The following ATP6V0D2 variants were observed in gnomAD, a reference collection of about 807,000 sequenced individuals.
ATP6V0D2 encodes ATPase H+ transporting V0 subunit d2, also known as V-type proton ATPase subunit d 2.
In ATP6V0D2, 40 loss-of-function variants were observed where a neutral mutation model predicts 40.0. The observed-to-expected ratio is 1.00, with a 90% CI of 0.78 to 1.30. ATP6V0D2 has a LOEUF of 1.30. ATP6V0D2 is among the 50% of genes most tolerant of loss of function. ATP6V0D2 has a pLI of 0.00. For missense variants in ATP6V0D2, 470 were observed against 423.1 expected, an observed-to-expected ratio of 1.11 and a Z score of -0.97; for synonymous variants, 179 against 156.3, an observed-to-expected ratio of 1.15 and a Z score of -1.08.
At chr8:86,125,058 G>A (rs1201826767) in intron 2 of ATP6V0D2, among the ~76,000 whole-genome samples, 1 of 152,124 alleles carries the variant, frequency 6.6e-6, no homozygotes, top group African/African-American at 2.4e-5. Flanking sequence ...CTGGAGAGAG[G>A]CAAACAGCAG....
chr8:86,099,580 G>GCCTC (rs1395664600), intron 1 of ATP6V0D2, among the ~76,000 whole-genome samples: 1 of 152,080 alleles, frequency 6.6e-6, no homozygotes, highest in Non-Finnish European at 1.5e-5. Flanking sequence ...CACAACCTCC[G>GCCTC]CCTCCCGGGT....
At chr8:86,108,356 A>G (rs544324227) in intron 1 of ATP6V0D2, among the ~76,000 whole-genome samples, 1 of 151,964 alleles carries the variant, frequency 6.6e-6, no homozygotes, top group Non-Finnish European at 1.5e-5. Flanking sequence ...TGCCCAGTCT[A>G]GTCTGAAACT....
chr8:86,152,766 T>A, intron 7 of ATP6V0D2, 50 bp from the exon 8 acceptor site: 1 of 1,533,788 alleles, frequency 6.5e-7, no homozygotes, highest in Non-Finnish European at 8.8e-7. Flanking sequence ...TATTATTCCA[T>A]AATGTTCCAA....
chr8:86,145,115 C>T (rs535287116), intron 5 of ATP6V0D2, among the ~76,000 whole-genome samples: 2 of 150,062 alleles, frequency 1.3e-5, no homozygotes, highest in Non-Finnish European at 2.9e-5. Context: ...TTGCAGTGAG[C>T]CGAGATCGTG....
intron 5 of ATP6V0D2, among the ~76,000 whole-genome samples, chr8:86,145,203 G>T (rs1819034658): frequency 4.7e-4 from 5 of 10,682 alleles, no homozygotes; most frequent in African/African-American, 2.7e-3. Flanking sequence ...AGAAAAGAAA[G>T]AAAGAAAGAA....
At chr8:86,121,578 A>AAGGAGG (rs562798784) in intron 2 of ATP6V0D2, among the ~76,000 whole-genome samples, 92 of 107,442 alleles carry the variant, frequency 8.6e-4, no homozygotes, top group African/African-American at 1.6e-3. Flanking sequence ...ATTTCAAAAG[A>AAGGAGG]AGGAGGAGGA....
intron 1 of ATP6V0D2, among the ~76,000 whole-genome samples, chr8:86,099,909 C>T (rs760464690): frequency 6.6e-6 from 1 of 152,110 alleles, no homozygotes; most frequent in Non-Finnish European, 1.5e-5. Flanking sequence ...AAGGGCTTCA[C>T]CAAACTGCCA....
intron 2 of ATP6V0D2, among the ~76,000 whole-genome samples, chr8:86,134,433 T>G (rs1818869244): frequency 6.6e-6 from 1 of 152,230 alleles, no homozygotes; most frequent in Non-Finnish European, 1.5e-5. Flanking sequence ...CTTTCTCCTC[T>G]TGAGTTTTCT....
At chr8:86,148,995 C>T (rs1162117811) in intron 5 of ATP6V0D2, among the ~76,000 whole-genome samples, 1 of 137,708 alleles carries the variant, frequency 7.3e-6, no homozygotes, top group Non-Finnish European at 1.5e-5. Context: ...TGCAGTGAGT[C>T]CTGACCCCAC....
At chr8:86,132,182 T>C (rs985041693) in intron 2 of ATP6V0D2, among the ~76,000 whole-genome samples, 1 of 152,136 alleles carries the variant, frequency 6.6e-6, no homozygotes, top group African/African-American at 2.4e-5. Context: ...ACAGGACCAT[T>C]TGAAGTGTTA....
intron 1 of ATP6V0D2, among the ~76,000 whole-genome samples, chr8:86,099,966 T>C (rs924505519): frequency 6.6e-6 from 1 of 152,140 alleles, no homozygotes; most frequent in African/African-American, 2.4e-5. Context: ...AACCTTGTTC[T>C]ATAGAATTTT....
At position 86,110,039 on chromosome 8, in the gene ATP6V0D2, T is replaced by C. The variant is rs552294064; in HGVS notation, c.131-3670T>C. Among the ~76,000 whole-genome samples, 47 of 152,332 alleles carry C rather than the reference T, an allele frequency of 3.1e-4. No individual in the cohort carries two copies. In the South Asian group the frequency reaches 9.1e-3, roughly 30 times the overall value. On this transcript the variant is annotated intron_variant, in intron 1 of 7. Coordinates refer to ENST00000285393, the MANE Select transcript of ATP6V0D2 (RefSeq NM_152565.1). ...CCCCTTCTCTACCACTCCTTTAAAA[T>C]TGACACATAAAAATTGCATATATTT...
chr8:86,113,580 T>C, intron 1 of ATP6V0D2, 129 bp from the exon 2 acceptor site: 6 of 757,488 alleles, frequency 7.9e-6, no homozygotes, highest in Middle Eastern at 4.0e-4. Flanking sequence ...TATTTAGACC[T>C]TATATTAAAA....
At chr8:86,144,916 G>A (rs1004622322) in intron 5 of ATP6V0D2, among the ~76,000 whole-genome samples, 3 of 151,326 alleles carry the variant, frequency 2.0e-5, no homozygotes, top group African/African-American at 7.3e-5. Context: ...AGCACTTTGG[G>A]AAGCCAAGCT....
intron 2 of ATP6V0D2, among the ~76,000 whole-genome samples, chr8:86,120,954 A>G (rs1425580202): frequency 2.0e-5 from 3 of 152,136 alleles, no homozygotes; most frequent in African/African-American, 7.2e-5. Flanking sequence ...ATTCTGATCT[A>G]GTTGGCCTTG....
At chr8:86,104,539 T>C (rs1295731140) in intron 1 of ATP6V0D2, among the ~76,000 whole-genome samples, 2 of 151,920 alleles carry the variant, frequency 1.3e-5, no homozygotes, top group Non-Finnish European at 1.5e-5. Context: ...AAAATATACT[T>C]CCTATATGAT....
intron 5 of ATP6V0D2, among the ~76,000 whole-genome samples, chr8:86,147,462 A>C (rs1156432323): frequency 1.3e-5 from 2 of 152,140 alleles, no homozygotes; most frequent in Admixed American, 6.5e-5. Flanking sequence ...CAGCGTGCCA[A>C]CTCTCTGCAA....
intron 5 of ATP6V0D2, among the ~76,000 whole-genome samples, chr8:86,145,255 G>GAGAAAGAAAGAAAGAA (rs1179936581): frequency 3.9e-5 from 2 of 51,876 alleles, no homozygotes; most frequent in Non-Finnish European, 7.3e-5. Flanking sequence ...GAGAGAGAGA[G>GAGAAAGAAAGAAAGAA]AGAAAGAAAG....
chr8:86,149,077 C>CAAAAAAAAAAAAAA (rs1819109621), intron 5 of ATP6V0D2, among the ~76,000 whole-genome samples: 3 of 35,768 alleles, frequency 8.4e-5, no homozygotes, highest in African/African-American at 2.3e-4. Context: ...AAAAAAAAAC[C>CAAAAAAAAAAAAAA]AATGAACAAG....
Sources: allele counts gnomAD v4.1 joint callset (sites outside exome capture counted in the v4.1 genomes callset), GRCh38; gene constraint gnomAD v4.1.1; transcripts MANE v1.5; gene names NCBI Gene and HGNC (gene_info 2026-07-23, HGNC 2026-07-21).